NBPF15: variants seen among roughly 807,000 people sequenced by gnomAD.
NBPF15 encodes NBPF member 15.
Under a neutral mutation model 62.2 loss-of-function variants are expected in NBPF15, and 74 were observed. The ratio of observed to expected loss-of-function variants is 1.19; its 90% confidence interval spans 0.99 to 1.44. The LOEUF is 1.44. Among genes scored for constraint, NBPF15 ranks in the 40% most tolerant of loss-of-function variants. NBPF15 has a pLI of 0.00. For synonymous variants in NBPF15, 244 were observed against 209.7 expected, an observed-to-expected ratio of 1.16 and a Z score of -1.41; for missense variants, 790 against 550.0, an observed-to-expected ratio of 1.44 and a Z score of -4.36.
rs587721196 is a variant in NBPF15, at chr1:144,457,243, G to T, written c.-700-438C>A. On this transcript the variant is annotated intron_variant, in intron 3 of 21. Transcript: ENST00000581897. ...ACTTGAGGCAGATCTTAGTGAACAAGAATTCGATTCTTTCTGTTAGGGAAT... is the reference window on the plus strand; with the variant it reads ...ACTTGAGGCAGATCTTAGTGAACAATAATTCGATTCTTTCTGTTAGGGAAT... Among the ~76,000 whole-genome samples, 6 of 152,192 alleles carry T rather than the reference G, an allele frequency of 3.9e-5. No homozygotes were observed. In the East Asian group the frequency reaches 5.8e-4, roughly 15 times the overall value.
intron 8 of NBPF15, among the ~76,000 whole-genome samples, chr1:144,439,602 G>A (rs1263741672): frequency 1.3e-5 from 2 of 152,184 alleles, no homozygotes; most frequent in African/African-American, 2.4e-5. Context: ...TCAATAAATG[G>A]CAGTTTAACT....
chr1:144,442,392 A>G (rs1415151108), intron 6 of NBPF15, among the ~76,000 whole-genome samples: 1 of 140,842 alleles, frequency 7.1e-6, no homozygotes, highest in Non-Finnish European at 1.5e-5. Context: ...ATATTATACA[A>G]TATATATAAC....
chr1:144,425,105 G>GAC (rs1444034762), intron 19 of NBPF15, among the ~76,000 whole-genome samples: 3 of 115,738 alleles, frequency 2.6e-5, no homozygotes, highest in East Asian at 5.7e-4. Flanking sequence ...CACACACACA[G>GAC]ACACACACAC....
rs1259656890 is a variant in NBPF15 at position 144,427,134 on chromosome 1, C to T, written c.1214-36G>A. On this transcript the variant is annotated intron_variant, in intron 16 of 21. Transcript: ENST00000581897. ...TTCAGACATGGACAGACATATTAAG[C>T]TGGTTCTCCTACACACATAACAATC... 7.9e-3 allele frequency: 4,443 copies of T among 559,856 alleles called. 53 individuals are homozygous for T. Among genetic ancestry groups the T allele is most frequent in the Non-Finnish European group, 0.01 (3,216 of 319,420 alleles). 34.7% of individuals were successfully genotyped at this position (559,856 alleles called of 1,614,324 possible).
At chr1:144,458,732 C>A (rs1411698652) in intron 3 of NBPF15, among the ~76,000 whole-genome samples, 5 of 151,996 alleles carry the variant, frequency 3.3e-5, no homozygotes, top group Non-Finnish European at 7.4e-5. Flanking sequence ...CAAGCAGACA[C>A]ATCCATGTAG....
At chr1:144,436,079 A>G (rs1179731334) in intron 10 of NBPF15, among the ~76,000 whole-genome samples, 1 of 151,810 alleles carries the variant, frequency 6.6e-6, no homozygotes, top group Non-Finnish European at 1.5e-5. Context: ...AATATTGAAA[A>G]GACCTTTTGC....
intron 21 of NBPF15, among the ~76,000 whole-genome samples, 153 bp downstream of exon 21, chr1:144,423,717 T>C (rs1238661145): frequency 6.6e-6 from 1 of 152,014 alleles, no homozygotes; most frequent in East Asian, 1.9e-4. Flanking sequence ...AATGGAAACC[T>C]AAACATCTAC....
intron 13 of NBPF15, among the ~76,000 whole-genome samples, chr1:144,432,662 G>C (rs2101920587): frequency 6.6e-6 from 1 of 152,070 alleles, no homozygotes; most frequent in African/African-American, 2.4e-5. Context: ...TGCAATCCTA[G>C]TCTCTGATAA....
intron 12 of NBPF15, among the ~76,000 whole-genome samples, chr1:144,434,888 CTA>C (rs1328578633): frequency 6.6e-6 from 1 of 152,104 alleles, no homozygotes; most frequent in Admixed American, 6.6e-5. Context: ...ACTCAGGTGA[CTA>C]TGAGATTGTC....
intron 9 of NBPF15, among the ~76,000 whole-genome samples, 185 bp from the exon 10 acceptor site, chr1:144,437,294 T>A (rs1679229961): frequency 6.6e-6 from 1 of 151,736 alleles, no homozygotes; most frequent in African/African-American, 2.4e-5. Context: ...TTCCTCTGTA[T>A]CAGAGAGGGC....
rs1302066009 is a variant in NBPF15, at chr1:144,440,230, G to T, written c.-125C>A. The T allele has an allele frequency of 5.9e-6, 9 of 1,522,418 alleles. No individual in the cohort carries two copies. Among genetic ancestry groups the T allele is most frequent in the Non-Finnish European group, 7.9e-6 (9 of 1,133,228 alleles). The allele number at this position is 1,522,418 out of a possible 1,614,324, so 94.3% of individuals were successfully genotyped here. Reference sequence around the variant, plus strand: ...GAGGTGCCTCAACTCAGAGCTGAAAGCACTGTCAGTAGCGCAGACTCTGAT... The same window carrying T: ...GAGGTGCCTCAACTCAGAGCTGAAATCACTGTCAGTAGCGCAGACTCTGAT... On this transcript the variant is annotated 5_prime_UTR_variant, in exon 7 of 22. Coordinates refer to ENST00000581897, the MANE Select transcript of NBPF15 (RefSeq NM_001385408.1).
At chr1:144,457,153 G>T (rs1392360375) in intron 3 of NBPF15, among the ~76,000 whole-genome samples, 3 of 151,628 alleles carry the variant, frequency 2.0e-5, no homozygotes, top group African/African-American at 7.3e-5. Flanking sequence ...TCCAGCCTGG[G>T]GGAAAAAAAA....
intron 5 of NBPF15, among the ~76,000 whole-genome samples, chr1:144,449,598 T>C (rs781908052): frequency 7.2e-5 from 11 of 151,984 alleles, no homozygotes; most frequent in Admixed American, 1.3e-4. Flanking sequence ...AGGAAAATGA[T>C]AAATAATAAT....
At chr1:144,424,453 A>G (rs1205690355) in intron 20 of NBPF15, among the ~76,000 whole-genome samples, 1 of 152,000 alleles carries the variant, frequency 6.6e-6, no homozygotes, top group Non-Finnish European at 1.5e-5. Context: ...ATGTCATGAG[A>G]GTAGAATCAG....
chr1:144,449,781 A>G (rs1256447905), intron 5 of NBPF15, among the ~76,000 whole-genome samples: 8 of 151,632 alleles, frequency 5.3e-5, no homozygotes, highest in East Asian at 3.9e-4. Context: ...CTCATTTTGA[A>G]CTAGAATCAC....
intron 6 of NBPF15, among the ~76,000 whole-genome samples, chr1:144,442,289 A>ATT (rs1399172999): frequency 8.3e-6 from 1 of 120,356 alleles, no homozygotes; most frequent in Non-Finnish European, 1.7e-5. Flanking sequence ...ACGTGTATAT[A>ATT]TTATATATAT....
chr1:144,448,472 A>T (rs1689105439), intron 6 of NBPF15, among the ~76,000 whole-genome samples: 1 of 152,034 alleles, frequency 6.6e-6, no homozygotes, highest in Admixed American at 6.6e-5. Flanking sequence ...AAGGGAGGGG[A>T]CAGACAACAA....
intron 2 of NBPF15, 28 bp downstream of exon 2, chr1:144,460,815 C>T (rs1333456133): frequency 1.3e-5 from 2 of 149,984 alleles, no homozygotes; most frequent in East Asian, 2.0e-4. Context: ...CTTTGGAGTG[C>T]AAACACCAAC....
Position 144,424,730 on chromosome 1 carries a change from T to C in NBPF15, c.1623A>G (p.Ala541=). The C allele has an allele frequency of 3.3e-6, 2 of 606,792 alleles. No individual in the cohort carries two copies. The highest frequency in any genetic ancestry group is 2.8e-5 in the East Asian group (1 of 36,294). The allele number at this position is 606,792 out of a possible 1,614,324, so 37.6% of individuals were successfully genotyped here. A position where few individuals can be genotyped will look rare whatever the true frequency, so the allele number is the denominator to read the frequency against. The change falls in exon 20 of 22, where the codon GCA becomes GCG. Residue 541 remains alanine, a synonymous_variant. Transcript: ENST00000581897. ...SCQPYGSSFY[A]LEEKHVGFSL... The stretch of plus-strand genomic sequence containing the variant: ...AAAAGCCAACATGTTTTTCCTCCAA[T>C]GCATAAAAGGAACTTCCATAGGGCT...
Sources: gnomAD v4.1 joint callset for allele counts (sites outside exome capture counted in the v4.1 genomes callset) on GRCh38, gnomAD v4.1.1 for gene constraint, MANE v1.5 for transcripts, NCBI Gene and HGNC (gene_info 2026-07-23, HGNC 2026-07-21) for gene names.